The following CA10 variants were observed in gnomAD, a reference collection of about 807,000 sequenced individuals.
CA10 encodes carbonic anhydrase 10 (inactive), also known as carbonic anhydrase-related protein 10.
CA10 carries 14 observed loss-of-function variants against 44.2 expected under a neutral mutation model. The observed-to-expected ratio is 0.32, with a 90% confidence interval of 0.21 to 0.50. CA10 has a LOEUF of 0.50. Among genes scored for constraint, CA10 ranks in the 20% least tolerant of loss-of-function variants. The pLI, the probability that CA10 is intolerant of heterozygous loss-of-function variation, is 0.99. For missense variants in CA10, 350 were observed against 409.7 expected (o/e 0.85, Z 1.26); for synonymous variants, 159 against 141.6 (o/e 1.12, Z -0.87).
At chr17:51,693,511 G>A (rs1915291523) in intron 4 of CA10, among the ~76,000 whole-genome samples, 1 of 151,958 alleles carries the variant, frequency 6.6e-6, no homozygotes, top group Admixed American at 6.6e-5. Flanking sequence ...CCATCTAGCA[G>A]TCCCCAGTGT....
At chr17:51,865,567 G>C (rs1187669728) in intron 3 of CA10, among the ~76,000 whole-genome samples, 1 of 150,848 alleles carries the variant, frequency 6.6e-6, no homozygotes. Context: ...GGAGCCGGTG[G>C]GGGGGAACCA....
At chr17:51,786,194 G>A (rs535048872) in intron 3 of CA10, among the ~76,000 whole-genome samples, 19 of 146,644 alleles carry the variant, frequency 1.3e-4, no homozygotes, top group South Asian at 6.7e-4. Flanking sequence ...TTTTTAATGC[G>A]TTCTAACATC....
chr17:52,157,066 G>A (rs1404962668), intron 1 of CA10, among the ~76,000 whole-genome samples: 2 of 152,178 alleles, frequency 1.3e-5, no homozygotes, highest in Non-Finnish European at 2.9e-5. Flanking sequence ...AGACTGAGAG[G>A]TCTGAGCCAG....
At chr17:52,010,060 A>G (rs536089318) in intron 2 of CA10, among the ~76,000 whole-genome samples, 5 of 151,920 alleles carry the variant, frequency 3.3e-5, no homozygotes, top group African/African-American at 1.2e-4. Flanking sequence ...ATACCACCCC[A>G]CTCCTGCTAG....
intron 4 of CA10, among the ~76,000 whole-genome samples, chr17:51,672,291 C>A (rs914490351): frequency 6.6e-6 from 1 of 152,202 alleles, no homozygotes; most frequent in Admixed American, 6.5e-5. Context: ...TCACAGCATG[C>A]TAGCGCTATA....
chr17:52,139,018 A>G (rs534810390), intron 1 of CA10, among the ~76,000 whole-genome samples: 1 of 152,324 alleles, frequency 6.6e-6, no homozygotes, highest in East Asian at 1.9e-4. Flanking sequence ...AGTACTTAGT[A>G]AAAAAGGCCC....
chr17:51,903,853 A>G (rs1377390932), intron 3 of CA10, among the ~76,000 whole-genome samples: 1 of 152,120 alleles, frequency 6.6e-6, no homozygotes, highest in African/African-American at 2.4e-5. Flanking sequence ...GCTATTTTCT[A>G]TTATCAAGGC....
intron 3 of CA10, among the ~76,000 whole-genome samples, chr17:51,889,260 G>A (rs1423705091): frequency 6.6e-6 from 1 of 152,190 alleles, no homozygotes. Flanking sequence ...GGTGGCTCAT[G>A]CATGTCATCC....
At chr17:52,136,739 A>G (rs1198239526) in intron 1 of CA10, among the ~76,000 whole-genome samples, 1 of 152,168 alleles carries the variant, frequency 6.6e-6, no homozygotes, top group African/African-American at 2.4e-5. Context: ...GTATTAACAT[A>G]AACAATATCA....
intron 1 of CA10, among the ~76,000 whole-genome samples, chr17:52,141,673 AACAGGTTGTGGGCTGGATTTAGTCC>A (rs904009721): frequency 2.0e-5 from 3 of 152,172 alleles, no homozygotes; most frequent in African/African-American, 7.2e-5. Flanking sequence ...GTTGTAAACA[AACAGGTTGTGGGCTGGATTTAGTCC>A]ACAGGCTGTT....
At chr17:51,813,700 G>T (rs1213173770) in intron 3 of CA10, among the ~76,000 whole-genome samples, 1 of 152,186 alleles carries the variant, frequency 6.6e-6, no homozygotes, top group East Asian at 1.9e-4. Context: ...CACAGTGAGG[G>T]TGAAAGCTTT....
intron 3 of CA10, among the ~76,000 whole-genome samples, chr17:51,818,487 C>T (rs1472938078): frequency 6.6e-6 from 1 of 152,110 alleles, no homozygotes; most frequent in Admixed American, 6.5e-5. Flanking sequence ...GTTGAAGAAA[C>T]AAGCATCTAG....
At chr17:51,727,077 T>A (rs944115057) in intron 4 of CA10, among the ~76,000 whole-genome samples, 1 of 152,210 alleles carries the variant, frequency 6.6e-6, no homozygotes, top group Non-Finnish European at 1.5e-5. Flanking sequence ...TTGCTAAACC[T>A]CTTCATCTCT....
At chr17:52,036,404 A>C (rs1388321582) in intron 2 of CA10, among the ~76,000 whole-genome samples, 1 of 152,178 alleles carries the variant, frequency 6.6e-6, no homozygotes, top group Non-Finnish European at 1.5e-5. Flanking sequence ...AGTATAGTAG[A>C]AGAAATGAGA....
chr17:51,920,132 C>T (rs762589424), intron 3 of CA10, among the ~76,000 whole-genome samples: 1 of 152,170 alleles, frequency 6.6e-6, no homozygotes, highest in Non-Finnish European at 1.5e-5. Flanking sequence ...AAATTATACT[C>T]AGTTCTGGGA....
chr17:51,855,990 G>A (rs1467669138), intron 3 of CA10, among the ~76,000 whole-genome samples: 1 of 152,138 alleles, frequency 6.6e-6, no homozygotes, highest in Non-Finnish European at 1.5e-5. Context: ...TCAATGGGGG[G>A]CTGAAGGAGC....
At chr17:52,018,420 T>C (rs953061885) in intron 2 of CA10, among the ~76,000 whole-genome samples, 1 of 152,166 alleles carries the variant, frequency 6.6e-6, no homozygotes, top group Non-Finnish European at 1.5e-5. Flanking sequence ...CATACCCATG[T>C]TCCCAGGATG....
At chr17:51,960,779 A>G (rs1217598183) in intron 2 of CA10, among the ~76,000 whole-genome samples, 2 of 152,204 alleles carry the variant, frequency 1.3e-5, no homozygotes, top group African/African-American at 4.8e-5. Flanking sequence ...TCAAAATATG[A>G]GAGAGGAAGT....
At chr17:51,751,980 T>C (rs976370875) in intron 3 of CA10, among the ~76,000 whole-genome samples, 1 of 152,128 alleles carries the variant, frequency 6.6e-6, no homozygotes, top group African/African-American at 2.4e-5. Context: ...CCTGCCATCA[T>C]GGAGCTCACA....
Sources: allele counts gnomAD v4.1 joint callset (sites outside exome capture counted in the v4.1 genomes callset), GRCh38; gene constraint gnomAD v4.1.1; transcripts MANE v1.5; gene names NCBI Gene and HGNC (gene_info 2026-07-23, HGNC 2026-07-21).